CYP2W1: variants seen among roughly 807,000 people sequenced by gnomAD.
The protein encoded by CYP2W1 is cytochrome P450 family 2 subfamily W member 1.
In CYP2W1, 51 loss-of-function variants were observed where a neutral mutation model predicts 44.9. The observed-to-expected ratio is 1.14, with a 90% CI of 0.91 to 1.43. The LOEUF is 1.43. Ranked by LOEUF, CYP2W1 falls within the 40% of genes most tolerant of loss-of-function variation. The probability of loss-of-function intolerance (pLI) is 0.00; values close to 1 mark genes in which losing one functional copy is unlikely to be tolerated. For synonymous variants in CYP2W1, 383 were observed against 338.3 expected, an observed-to-expected ratio of 1.13 and a Z score of -1.45; for missense variants, 746 against 700.0, an observed-to-expected ratio of 1.07 and a Z score of -0.74.
Position 984,407 on chromosome 7 carries a change from G to C in CYP2W1, c.175-5G>C, listed in dbSNP as rs899112171. 1.9e-5 allele frequency: 29 copies of C among 1,546,436 alleles called. No homozygotes were observed. In the African/African-American group the frequency reaches 3.8e-4, roughly 20 times the overall value. On this transcript the variant is annotated splice_polypyrimidine_tract_variant and splice_region_variant and intron_variant, in intron 1 of 8. Transcript: ENST00000308919. ...TGCCCGGGTGACCCCCGCCATCCCTGCCAGCTCTCAGAACGCTACGGGCCG... is the reference window on the plus strand; with the variant it reads ...TGCCCGGGTGACCCCCGCCATCCCTCCCAGCTCTCAGAACGCTACGGGCCG...
Position 987,114 on chromosome 7 carries a change from A to G in CYP2W1, c.827A>G (p.Asp276Gly), listed in dbSNP as rs527453749. 1.3e-6 allele frequency: 2 copies of G among 1,549,558 alleles called. No homozygotes were observed. Among genetic ancestry groups the G allele is most frequent in the Non-Finnish European group, 8.7e-7 (1 of 1,145,574 alleles). ...DALIQQGQGD[D>G]PEGLFAEANA... ...TGCCCCACGCCTCTGCAGGGGGATG[A>G]CCCCGAGGGCCTGTTTGCTGAGGCC... The change falls in exon 6 of 9, where the codon GAC becomes GGC. Residue 276 changes from aspartate (D) to glycine (G), a missense_variant. By Grantham distance (94) the Asp-to-Gly change is moderately conservative (BLOSUM62 -1). Transcript: ENST00000308919.
rs769416485 is a variant in CYP2W1, at chr7:988,763, G to A, written c.1414G>A (p.Ala472Thr). The A allele has an allele frequency of 2.4e-5, 38 of 1,598,342 alleles. No individual in the cohort carries two copies. Among genetic ancestry groups the A allele is most frequent in the Middle Eastern group, 1.8e-4 (1 of 5,700 alleles). ...VSPASLDTTP[A>T]RAFTMRPRAQ... Reference sequence around the variant, plus strand: ...TCCGGCCTCCCTGGACACCACGCCCGCCCGGGCTTTTACCATGAGGCCGAG... The same window carrying A: ...TCCGGCCTCCCTGGACACCACGCCCACCCGGGCTTTTACCATGAGGCCGAG... Residue 472 changes from alanine to threonine, a missense_variant, in exon 9 of 9, where the codon GCC becomes ACC. Coordinates refer to ENST00000308919, the MANE Select transcript of CYP2W1 (RefSeq NM_017781.3).
Position 985,234 on chromosome 7 carries a change from C to T in CYP2W1, c.556C>T (p.Arg186Cys), listed in dbSNP as rs766555022. ...SNITFALLFG[R>C]RFDYRDPVFV... ...TATCACCTTCGCGCTCCTCTTCGGCCGCCGATTTGACTACCGGGACCCCGT... is the reference window on the plus strand; with the variant it reads ...TATCACCTTCGCGCTCCTCTTCGGCTGCCGATTTGACTACCGGGACCCCGT... The change falls in exon 4 of 9, where the codon CGC becomes TGC. Residue 186 changes from arginine (R) to cysteine (C), a missense_variant. Physicochemically the swap from Arg to Cys is radical, Grantham distance 180. Transcript: ENST00000308919. 2.1e-5 allele frequency: 32 copies of T among 1,553,010 alleles called. No homozygotes were observed. Among genetic ancestry groups the T allele is most frequent in the Middle Eastern group, 1.7e-4 (1 of 6,016 alleles).
At chr7:985,387 G>A in intron 4 of CYP2W1, 64 bp downstream of exon 4, 1 of 1,516,056 alleles carries the variant, frequency 6.6e-7, no homozygotes, top group Middle Eastern at 1.9e-4. Context: ...TGCAGCAGGA[G>A]GACGGGGGCC....
intron 6 of CYP2W1, 33 bp downstream of exon 6, chr7:987,278 T>C: frequency 6.6e-7 from 1 of 1,504,988 alleles, no homozygotes; most frequent in Non-Finnish European, 8.9e-7. Context: ...GACGGCTCCT[T>C]CTGCCCCCGG....
chr7:988,132 G>T, intron 7 of CYP2W1, 145 bp from the exon 8 acceptor site: 1 of 989,828 alleles, frequency 1.0e-6, no homozygotes, highest in Non-Finnish European at 1.4e-6. Context: ...GGCCTCCCTG[G>T]GTTTGGGTGC....
At position 984,582 on chromosome 7, in the gene CYP2W1, T is replaced by A. The variant is rs1476873328; in HGVS notation, c.337+8T>A. ...TCATCCAGCGAGGTGGAGGTCGGTGTGTGGCCGGCGCTACGGGGCCTACTG... is the reference window on the plus strand; with the variant it reads ...TCATCCAGCGAGGTGGAGGTCGGTGAGTGGCCGGCGCTACGGGGCCTACTG... On this transcript the variant is annotated splice_region_variant and intron_variant, in intron 2 of 8. Transcript: ENST00000308919. The A allele has an allele frequency of 6.4e-7, 1 of 1,559,044 alleles. No homozygotes were observed. Among genetic ancestry groups the A allele is most frequent in the South Asian group, 1.2e-5 (1 of 85,386 alleles).
Position 984,538 on chromosome 7 carries a change from C to A in CYP2W1, c.301C>A (p.Pro101Thr). The part of the protein sequence containing the change: ...GPGQELADRP[P>T]IAIFQLIQRG... ...CGGGCAGGAGCTGGCCGACCGGCCT[C>A]CCATCGCCATCTTCCAGCTCATCCA... Residue 101 changes from proline to threonine, a missense_variant, in exon 2 of 9, where the codon CCC becomes ACC. By Grantham distance (38) the Pro-to-Thr change is conservative. Coordinates refer to ENST00000308919, the MANE Select transcript of CYP2W1 (RefSeq NM_017781.3). The A allele has an allele frequency of 6.4e-7, 1 of 1,557,004 alleles. No homozygotes were observed.
intron 7 of CYP2W1, among the ~76,000 whole-genome samples, chr7:987,960 G>A (rs1015498188): frequency 1.3e-5 from 2 of 148,380 alleles, no homozygotes; most frequent in Non-Finnish European, 3.0e-5. Flanking sequence ...TGTCCTGGGG[G>A]TCCCCTCTGT....
In CYP2W1 at chr7:988,962, G is replaced by T; in HGVS notation, c.*140G>T. 1.7e-6 allele frequency: 1 copy of T among 603,476 alleles called. No homozygotes were observed. The highest frequency in any genetic ancestry group is 2.1e-5 in the South Asian group (1 of 47,772). The allele number at this position is 603,476 out of a possible 1,614,324, so 37.4% of individuals were successfully genotyped here. A position where few individuals can be genotyped will look rare whatever the true frequency, so the allele number is the denominator to read the frequency against. ...CCACCCTCACCCCCACCCCCACAGGGTCAGCAACTGCTTCCGGTTACACCC... is the reference window on the plus strand; with the variant it reads ...CCACCCTCACCCCCACCCCCACAGGTTCAGCAACTGCTTCCGGTTACACCC... On this transcript the variant is annotated 3_prime_UTR_variant, in exon 9 of 9. Coordinates refer to ENST00000308919, the MANE Select transcript of CYP2W1 (RefSeq NM_017781.3).
At position 985,209 on chromosome 7, in the gene CYP2W1, T is replaced by A. The variant is rs745702466; in HGVS notation, c.531T>A (p.Asn177Lys). 4.5e-6 allele frequency: 7 copies of A among 1,561,422 alleles called. No homozygotes were observed. Among genetic ancestry groups the A allele is most frequent in the African/African-American group, 4.1e-5 (3 of 73,738 alleles). Residue 177 changes from asparagine (N) to lysine (K), a missense_variant, in exon 4 of 9, where the codon AAT (asparagine) becomes AAA (lysine). Coordinates refer to ENST00000308919, the MANE Select transcript of CYP2W1 (RefSeq NM_017781.3). ...PLALLGWAPS[N>K]ITFALLFGRR... Reference sequence around the variant, plus strand: ...CCCTACTGGGCTGGGCTCCCTCCAATATCACCTTCGCGCTCCTCTTCGGCC... The same window carrying A: ...CCCTACTGGGCTGGGCTCCCTCCAAAATCACCTTCGCGCTCCTCTTCGGCC...
rs755645891 is a variant in CYP2W1 at position 987,536 on chromosome 7, G to GCA, written c.1143+5_1143+6insCA. On this transcript the variant is annotated splice_donor_region_variant and intron_variant, in intron 7 of 8. Transcript: ENST00000308919. ...GGCGGCTTCCTGCTCCCCAAGGTGG[G>GCA]GCTGGGCCTCCCTTGCCCCTTCCAT... The GCA allele has an allele frequency of 2.1e-4, 323 of 1,515,498 alleles. No individual in the cohort carries two copies. The highest frequency in any genetic ancestry group is 2.0e-3 in the Middle Eastern group (11 of 5,600). The allele number at this position is 1,515,498 out of a possible 1,614,324, so 93.9% of individuals were successfully genotyped here.
In CYP2W1 at chr7:983,309, CG is replaced by C; in HGVS notation, c.102del (p.Pro35LeufsTer22). 5 of 1,541,258 alleles carry C rather than the reference CG, an allele frequency of 3.2e-6. No individual in the cohort carries two copies. Among genetic ancestry groups the C allele is most frequent in the Non-Finnish European group, 3.5e-6 (4 of 1,144,942 alleles). The part of the protein sequence containing the change: ...QDPSPAARWP[P>X]GPRPLPLVGN... The stretch of plus-strand genomic sequence containing the variant: ...CCCTCCCCAGCTGCCCGGTGGCCCC[CG>C]GGGCCTCGCCCGCTGCCGCTCGTCG... On this transcript the variant is annotated frameshift_variant, in exon 1 of 9. Transcript: ENST00000308919. LOFTEE classifies it high-confidence loss of function.
At position 983,183 on chromosome 7, in the gene CYP2W1, G is replaced by A. The variant is rs1848048814; in HGVS notation, c.-29G>A. On this transcript the variant is annotated 5_prime_UTR_variant, in exon 1 of 9. Transcript: ENST00000308919. ...GTGCGGGGGGGACGGGGCCCAGGAG[G>A]GGAGTGGAGCCTCACCAGCCACGTC... The A allele has an allele frequency of 6.9e-7, 1 of 1,456,410 alleles. No homozygotes were observed. Among genetic ancestry groups the A allele is most frequent in the Non-Finnish European group, 9.1e-7 (1 of 1,095,502 alleles). 90.2% of individuals were successfully genotyped at this position (1,456,410 alleles called of 1,614,324 possible). A position where few individuals can be genotyped will look rare whatever the true frequency, so the allele number is the denominator to read the frequency against.
Position 984,429 on chromosome 7 carries a change from G to A in CYP2W1, c.192G>A (p.Gly64=). The A allele has an allele frequency of 6.5e-7, 1 of 1,548,526 alleles. No homozygotes were observed. The highest frequency in any genetic ancestry group is 8.7e-7 in the Non-Finnish European group (1 of 1,146,904). ...RSLMELSERY[G]PVFTVHLGRQ... ...CCTGCCAGCTCTCAGAACGCTACGGGCCGGTGTTCACCGTGCACCTGGGGC... is the reference window on the plus strand; with the variant it reads ...CCTGCCAGCTCTCAGAACGCTACGGACCGGTGTTCACCGTGCACCTGGGGC... The change falls in exon 2 of 9, where the codon GGG becomes GGA. Residue 64 remains glycine, a synonymous_variant. Coordinates refer to ENST00000308919, the MANE Select transcript of CYP2W1 (RefSeq NM_017781.3).
Position 984,470 on chromosome 7 carries a change from T to C in CYP2W1, c.233T>C (p.Val78Ala), listed in dbSNP as rs774588175. The change falls in exon 2 of 9, where the codon GTG (valine) becomes GCG (alanine). Residue 78 changes from valine (V) to alanine (A), a missense_variant. By Grantham distance (64) the Val-to-Ala change is moderately conservative. Transcript: ENST00000308919. ...CACCTGGGGCGCCAGAAGACGGTGG[T>C]GCTGACGGGGTTCGAGGCGGTCAAA... ...TVHLGRQKTVVLTGFEAVKEA... is the reference protein window; with the variant it reads ...TVHLGRQKTVALTGFEAVKEA... 187 of 1,551,322 alleles carry C rather than the reference T, an allele frequency of 1.2e-4. 2 individuals carry two copies. The Admixed American group carries it at 3.6e-3, about 30-fold the overall frequency.
chr7:988,064 G>T (rs1466617730), intron 7 of CYP2W1, among the ~76,000 whole-genome samples: 1 of 151,238 alleles, frequency 6.6e-6, no homozygotes, highest in African/African-American at 2.5e-5. Flanking sequence ...CCCTCTCCAT[G>T]CATCCTGGGT....
At chr7:985,380 A>G in intron 4 of CYP2W1, 57 bp downstream of exon 4, 1 of 1,524,526 alleles carries the variant, frequency 6.6e-7, no homozygotes, top group Non-Finnish European at 8.8e-7. Context: ...ATGGGCGTGC[A>G]GCAGGAGGAC....
rs775384793 is a variant in CYP2W1 at position 987,522 on chromosome 7, G to C, written c.1134G>C (p.Leu378=). The C allele has an allele frequency of 6.6e-7, 1 of 1,525,106 alleles. No individual in the cohort carries two copies. The highest frequency in any genetic ancestry group is 1.2e-5 in the South Asian group (1 of 83,636). The allele number at this position is 1,525,106 out of a possible 1,614,324, so 94.5% of individuals were successfully genotyped here. Residue 378 remains leucine (L), a synonymous_variant, in exon 7 of 9, where the codon CTG becomes CTC. Coordinates refer to ENST00000308919, the MANE Select transcript of CYP2W1 (RefSeq NM_017781.3). ...TAADTQLGGF[L]LPKGTPVIPL... ...CCGACACACAGCTGGGCGGCTTCCT[G>C]CTCCCCAAGGTGGGGCTGGGCCTCC...
Sources: gnomAD v4.1 joint callset for allele counts (sites outside exome capture counted in the v4.1 genomes callset) on GRCh38, gnomAD v4.1.1 for gene constraint, MANE v1.5 for transcripts, NCBI Gene and HGNC (gene_info 2026-07-23, HGNC 2026-07-21) for gene names.